Variants in SLC8A1 observed in about 807,000 individuals in gnomAD.
SLC8A1 encodes the protein sodium/calcium exchanger 1.
In SLC8A1, 18 loss-of-function variants were observed where a neutral mutation model predicts 68.3. The ratio of observed to expected loss-of-function variants is 0.26; its 90% CI spans 0.18 to 0.39. The LOEUF (loss-of-function observed/expected upper bound fraction) is 0.39, where lower values mean the gene tolerates loss of function less well. Among genes scored for constraint, SLC8A1 ranks in the 10% least tolerant of loss-of-function variants. The probability of loss-of-function intolerance (pLI) is 1.00; values close to 1 mark genes in which losing one functional copy is unlikely to be tolerated. For missense variants in SLC8A1, 985 were observed against 1,156.7 expected, an observed-to-expected ratio of 0.85 and a Z score of 2.15; for synonymous variants, 475 against 415.5, an observed-to-expected ratio of 1.14 and a Z score of -1.74.
chr2:40,265,206 T>A (rs2065210690), intron 2 of SLC8A1, among the ~76,000 whole-genome samples: 1 of 152,138 alleles, frequency 6.6e-6, no homozygotes, highest in Non-Finnish European at 1.5e-5. Flanking sequence ...AAGAAATAGA[T>A]CTTTATTATT....
chr2:40,167,044 T>C (rs983590147), intron 4 of SLC8A1, among the ~76,000 whole-genome samples: 1 of 152,212 alleles, frequency 6.6e-6, no homozygotes, highest in African/African-American at 2.4e-5. Context: ...ACAAAGCTGA[T>C]GTGGTAGCAT....
intron 2 of SLC8A1, among the ~76,000 whole-genome samples, chr2:40,351,441 G>T (rs1041521160): frequency 2.0e-5 from 3 of 150,168 alleles, no homozygotes; most frequent in Non-Finnish European, 4.4e-5. Context: ...CAATCACTAG[G>T]GCTTCATCAT....
chr2:40,430,478 T>C (rs1698032336), intron 1 of SLC8A1, among the ~76,000 whole-genome samples, 174 bp from the exon 2 acceptor site: 1 of 152,198 alleles, frequency 6.6e-6, no homozygotes, highest in African/African-American at 2.4e-5. Flanking sequence ...TGGTGAATGA[T>C]TGTTCTAAGA....
intron 2 of SLC8A1, among the ~76,000 whole-genome samples, chr2:40,224,398 T>C (rs2058715956): frequency 1.3e-5 from 2 of 152,110 alleles, no homozygotes; most frequent in South Asian, 4.1e-4. Flanking sequence ...TCCCAAGAGA[T>C]ACATTTCCAT....
At chr2:40,283,701 C>T (rs1414119001) in intron 2 of SLC8A1, among the ~76,000 whole-genome samples, 1 of 152,214 alleles carries the variant, frequency 6.6e-6, no homozygotes, top group Non-Finnish European at 1.5e-5. Context: ...CAGCTCACTG[C>T]AGCTGTCCTT....
chr2:40,352,980 C>A (rs116446732), intron 2 of SLC8A1, among the ~76,000 whole-genome samples: 1,880 of 152,196 alleles, frequency 0.012, 40 homozygotes, highest in African/African-American at 0.043. Context: ...CTCTCACTTA[C>A]GGAAGGTCCA....
intron 2 of SLC8A1, among the ~76,000 whole-genome samples, chr2:40,263,262 G>A (rs919446572): frequency 8.5e-5 from 13 of 152,176 alleles, no homozygotes; most frequent in African/African-American, 3.1e-4. Context: ...GAGTTGTTGT[G>A]AATACAAAAA....
In SLC8A1 at chr2:40,410,582, T is replaced by A. The variant is rs1187895458; in HGVS notation, c.1808+17891A>T. On this transcript the variant is annotated intron_variant, in intron 2 of 7. Coordinates refer to ENST00000406785, the Ensembl canonical transcript of SLC8A1. ...TTTTAAAATGTATTCTTTTATTTTT[T>A]AAAAATTAGAAAAAATGTTTTACAT... is the stretch of plus-strand genomic sequence containing the variant. Among the ~76,000 whole-genome samples the A allele has an allele frequency of 2.0e-5, 3 of 152,164 alleles. No individual in the cohort carries two copies. The East Asian group carries it at 5.8e-4, about 29-fold the overall frequency.
At chr2:40,169,630 A>G (rs564203751) in intron 4 of SLC8A1, among the ~76,000 whole-genome samples, 28 of 152,266 alleles carry the variant, frequency 1.8e-4, no homozygotes, top group African/African-American at 6.0e-4. Flanking sequence ...CTGGGAAGAA[A>G]TACAGCTCAG....
intron 2 of SLC8A1, among the ~76,000 whole-genome samples, chr2:40,346,143 GT>G (rs1434992363): frequency 1.3e-5 from 2 of 149,686 alleles, no homozygotes; most frequent in African/African-American, 2.5e-5. Flanking sequence ...ACCAGAAAGA[GT>G]TTAAGACTTT....
chr2:40,331,087 C>G (rs2076359159), intron 2 of SLC8A1, among the ~76,000 whole-genome samples: 1 of 152,180 alleles, frequency 6.6e-6, no homozygotes, highest in South Asian at 2.1e-4. Flanking sequence ...GGGTTCAAAT[C>G]TTGGCTCTAA....
intron 2 of SLC8A1, among the ~76,000 whole-genome samples, chr2:40,407,940 A>C (rs889439153): frequency 6.6e-6 from 1 of 152,160 alleles, no homozygotes; most frequent in Non-Finnish European, 1.5e-5. Flanking sequence ...TGTAACTACT[A>C]ACCAGTTTGC....
intron 2 of SLC8A1, among the ~76,000 whole-genome samples, chr2:40,269,331 T>C: frequency 6.6e-6 from 1 of 152,222 alleles, no homozygotes; most frequent in East Asian, 1.9e-4. Flanking sequence ...TTGTACTATC[T>C]TACAGTACAC....
intron 2 of SLC8A1, among the ~76,000 whole-genome samples, chr2:40,353,049 C>T (rs1318335826): frequency 6.6e-6 from 1 of 152,196 alleles, no homozygotes; most frequent in East Asian, 1.9e-4. Context: ...GGAGCTCTCA[C>T]AGCCTTGCTT....
intron 1 of SLC8A1, among the ~76,000 whole-genome samples, chr2:40,506,680 A>AAGTCTCT (rs568471030): frequency 0.032 from 4,255 of 132,984 alleles, 74 homozygotes; most frequent in Middle Eastern, 0.079. Flanking sequence ...TTTTGTGTTT[A>AAGTCTCT]AATCTCTAAT....
intron 2 of SLC8A1, among the ~76,000 whole-genome samples, chr2:40,322,697 T>C (rs1466840992): frequency 6.6e-6 from 1 of 151,384 alleles, no homozygotes; most frequent in East Asian, 1.9e-4. Context: ...ATAATGATAA[T>C]AACAAAAATA....
chr2:40,267,673 C>T (rs1175692005), intron 2 of SLC8A1, among the ~76,000 whole-genome samples: 1 of 152,142 alleles, frequency 6.6e-6, no homozygotes, highest in South Asian at 2.1e-4. Flanking sequence ...ATTTATTAAT[C>T]CCCTACTACA....
chr2:40,462,690 T>C (rs4952627), intron 1 of SLC8A1, among the ~76,000 whole-genome samples: 139,767 of 151,914 alleles, frequency 0.92, 64,800 homozygotes, highest in Non-Finnish European at 0.98. Context: ...TGCCTGTATT[T>C]CTAGCTACTT....
At chr2:40,106,216 G>A (rs542668222) in exon 8 of SLC8A1, 15 of 152,280 alleles carry the variant, frequency 9.9e-5, no homozygotes, top group African/African-American at 3.4e-4. Context: ...ATGTACAGTT[G>A]TTTCTGAAGA....
Sources: allele counts gnomAD v4.1 joint callset (sites outside exome capture counted in the v4.1 genomes callset), GRCh38; gene constraint gnomAD v4.1.1; transcripts MANE v1.5; gene names NCBI Gene and HGNC (gene_info 2026-07-23, HGNC 2026-07-21).